The following MIB1 variants were observed in gnomAD, a reference collection of about 807,000 sequenced individuals.
The protein encoded by MIB1 is E3 ubiquitin-protein ligase MIB1.
Under a neutral mutation model 124.5 loss-of-function variants are expected in MIB1, and 278 were observed. That is an observed-to-expected ratio of 2.23 (90% CI 2.02 to 2.47). The LOEUF is 2.47. Among genes scored for constraint, MIB1 ranks in the 30% most tolerant of loss-of-function variants. MIB1 has a pLI of 0.00. For synonymous variants in MIB1, 446 were observed against 429.4 expected, an observed-to-expected ratio of 1.04 and a Z score of -0.48; for missense variants, 957 against 1,254.4, an observed-to-expected ratio of 0.76 and a Z score of 3.58.
At chr18:21,845,947 A>C (rs2042131092) in intron 15 of MIB1, among the ~76,000 whole-genome samples, 2 of 152,142 alleles carry the variant, frequency 1.3e-5, no homozygotes, top group African/African-American at 4.8e-5. Context: ...TTTCTACTGA[A>C]TTGCCAGTAT....
intron 3 of MIB1, among the ~76,000 whole-genome samples, chr18:21,769,517 G>A (rs147646017): frequency 3.3e-5 from 5 of 152,164 alleles, no homozygotes; most frequent in Admixed American, 1.3e-4. Flanking sequence ...TCCTGGAAGC[G>A]CCCTTTGAAG....
At chr18:21,796,434 T>C (rs1352714380) in intron 7 of MIB1, among the ~76,000 whole-genome samples, 1 of 152,032 alleles carries the variant, frequency 6.6e-6, no homozygotes, top group East Asian at 1.9e-4. Context: ...GACAAATATC[T>C]AATATAATGC....
intron 18 of MIB1, among the ~76,000 whole-genome samples, chr18:21,856,271 C>CAA (rs1361074998): frequency 1.6e-5 from 2 of 125,944 alleles, no homozygotes; most frequent in Admixed American, 8.1e-5. Context: ...CAAAACAAAA[C>CAA]AAAAAAAAAA....
intron 10 of MIB1, among the ~76,000 whole-genome samples, chr18:21,809,623 T>G (rs2041747905): frequency 6.6e-6 from 1 of 152,098 alleles, no homozygotes; most frequent in African/African-American, 2.4e-5. Flanking sequence ...TAGTGTAATA[T>G]GCCACATTAA....
At chr18:21,746,050 A>T (rs921412731) in intron 1 of MIB1, among the ~76,000 whole-genome samples, 1 of 152,164 alleles carries the variant, frequency 6.6e-6, no homozygotes, top group African/African-American at 2.4e-5. Flanking sequence ...CTTAATTTAA[A>T]AAAAAGCCTT....
chr18:21,713,132 A>ATTTTTG (rs1304548953), intron 1 of MIB1, among the ~76,000 whole-genome samples: 1 of 151,336 alleles, frequency 6.6e-6, no homozygotes, highest in Non-Finnish European at 1.5e-5. Flanking sequence ...TTATTTTTTT[A>ATTTTTG]TTTTTGTTTT....
chr18:21,746,921 G>T (rs2040918772), intron 1 of MIB1, among the ~76,000 whole-genome samples: 1 of 152,036 alleles, frequency 6.6e-6, no homozygotes, highest in South Asian at 2.1e-4. Flanking sequence ...GCTGACCCTG[G>T]ATTAAAAAAA....
intron 1 of MIB1, among the ~76,000 whole-genome samples, chr18:21,721,159 G>GTTTTTTTTTTTTTTTTTTTT (rs34277676): frequency 6.7e-5 from 2 of 29,764 alleles, no homozygotes; most frequent in African/African-American, 9.5e-5. Flanking sequence ...TTTTAAAGAA[G>GTTTTTTTTTTTTTTTTTTTT]TTTTTTTTTT....
chr18:21,844,968 T>G (rs902354716), intron 15 of MIB1, among the ~76,000 whole-genome samples: 6 of 152,182 alleles, frequency 3.9e-5, no homozygotes, highest in Admixed American at 3.9e-4. Context: ...TCTTTATATG[T>G]GAATGCACAT....
intron 10 of MIB1, among the ~76,000 whole-genome samples, chr18:21,809,513 A>G (rs2041746840): frequency 6.6e-6 from 1 of 152,108 alleles, no homozygotes; most frequent in Non-Finnish European, 1.5e-5. Flanking sequence ...ACCAAATATT[A>G]GTGAGCTACA....
At chr18:21,715,824 A>G (rs1341358326) in intron 1 of MIB1, among the ~76,000 whole-genome samples, 5 of 152,178 alleles carry the variant, frequency 3.3e-5, no homozygotes, top group Non-Finnish European at 4.4e-5. Context: ...AGAAAAAAGA[A>G]TAAGAAAATA....
intron 12 of MIB1, among the ~76,000 whole-genome samples, chr18:21,831,905 T>C (rs577171783): frequency 6.6e-6 from 1 of 152,318 alleles, no homozygotes; most frequent in East Asian, 1.9e-4. Context: ...ACCTGATTTT[T>C]TGATTGATAA....
In MIB1 at chr18:21,864,928, T is replaced by G; in HGVS notation, c.*262T>G. ...TTACCTTTGGCTTCTAAGAGGAAAG[T>G]CCTTTAAGGATATCCTTTTTTAAAA... On this transcript the variant is annotated 3_prime_UTR_variant, in exon 21 of 21. Transcript: ENST00000261537. 3.3e-6 allele frequency: 1 copy of G among 298,784 alleles called. No individual in the cohort carries two copies. Among genetic ancestry groups the G allele is most frequent in the Non-Finnish European group, 6.1e-6 (1 of 163,956 alleles). 18.5% of individuals were successfully genotyped at this position (298,784 alleles called of 1,614,324 possible). A position where few individuals can be genotyped will look rare whatever the true frequency, so the allele number is the denominator to read the frequency against.
At position 21,819,638 on chromosome 18, in the gene MIB1, A is replaced by C; in HGVS notation, c.1821A>C (p.Gly607=). The part of the protein sequence containing the change: ...FNALHHAALR[G]NPSAMRVLLS... ...CTCTGCATCATGCTGCACTAAGGGG[A>C]AATCCCAGGTATGTCACCCCTTACT... Residue 607 remains glycine, a synonymous_variant, in exon 12 of 21, where the codon GGA becomes GGC. Transcript: ENST00000261537. 1 of 1,545,770 alleles carries C rather than the reference A, an allele frequency of 6.5e-7. No homozygotes were observed. Among genetic ancestry groups the C allele is most frequent in the Non-Finnish European group, 8.7e-7 (1 of 1,145,066 alleles).
chr18:21,778,029 A>G (rs1237704006), intron 4 of MIB1, 74 bp from the exon 5 acceptor site: 5 of 1,005,920 alleles, frequency 5.0e-6, no homozygotes, highest in East Asian at 2.4e-5. Flanking sequence ...CTGAATGAAT[A>G]TTCTTGCCTG....
Position 21,790,270 on chromosome 18 carries a change from G to A in MIB1, c.909-1104G>A, listed in dbSNP as rs144750988. 1.7e-3 allele frequency among the ~76,000 whole-genome samples: 264 copies of A among 152,204 alleles called. 1 individual carries two copies. The highest frequency in any genetic ancestry group is 0.014 in the East Asian group (73 of 5,182). On this transcript the variant is annotated intron_variant, in intron 6 of 20. Coordinates refer to ENST00000261537, the MANE Select transcript of MIB1 (RefSeq NM_020774.4). The stretch of plus-strand genomic sequence containing the variant: ...TTTTAAGAATCTCTACTGAAATACC[G>A]ACCTCATGTGCACAAAGATGTATAC...
chr18:21,786,371 A>G (rs1355896055), intron 6 of MIB1, among the ~76,000 whole-genome samples: 2 of 152,252 alleles, frequency 1.3e-5, no homozygotes, highest in Admixed American at 1.3e-4. Flanking sequence ...TGCTGGGATT[A>G]CAGGCGTGAG....
chr18:21,798,465 G>C (rs1022099909), intron 8 of MIB1, among the ~76,000 whole-genome samples: 2 of 152,060 alleles, frequency 1.3e-5, no homozygotes, highest in African/African-American at 4.8e-5. Flanking sequence ...TCCATAAAAT[G>C]TGTGCTTTTT....
In MIB1 at chr18:21,724,730, ATAT is replaced by A. The variant is rs1568176746; in HGVS notation, n.167+19608_167+19610del. Reference sequence around the variant, plus strand: ...CCCCATCCAAAAAAAAAAAAAAAATATATATATATATATATATATATATATATA... The same window carrying A: ...CCCCATCCAAAAAAAAAAAAAAAATAATATATATATATATATATATATATA... On this transcript the variant is annotated intron_variant and non_coding_transcript_variant, in intron 1 of 20. Coordinates refer to the MIB1 transcript ENST00000578646. 7.8e-3 allele frequency among the ~76,000 whole-genome samples: 321 copies of A among 41,320 alleles called. 3 individuals are homozygous for A. Among genetic ancestry groups the A allele is most frequent in the African/African-American group, 0.013 (111 of 8,812 alleles). 27.1% of individuals were successfully genotyped at this position (41,320 alleles called of 152,430 possible). A position where few individuals can be genotyped will look rare whatever the true frequency, so the allele number is the denominator to read the frequency against.
Sources: allele counts gnomAD v4.1 joint callset (sites outside exome capture counted in the v4.1 genomes callset), GRCh38; gene constraint gnomAD v4.1.1; transcripts MANE v1.5; gene names NCBI Gene and HGNC (gene_info 2026-07-23, HGNC 2026-07-21).